Variants in NPTXR observed in about 807,000 individuals in gnomAD.
NPTXR encodes the protein neuronal pentraxin receptor.
A neutral mutation model predicts 32.2 loss-of-function variants in NPTXR; 12 were observed. That is an observed-to-expected ratio of 0.37 (90% CI 0.24 to 0.60). The LOEUF (loss-of-function observed/expected upper bound fraction) is 0.60. Ranked by LOEUF, NPTXR falls within the 20% of genes least tolerant of loss-of-function variation. The probability of loss-of-function intolerance (pLI) is 0.66; values close to 1 mark genes in which losing one functional copy is unlikely to be tolerated. For missense variants in NPTXR, 612 were observed against 682.9 expected (o/e 0.90, Z 1.16); for synonymous variants, 323 against 315.8 (o/e 1.02, Z -0.24).
At chr22:38,838,201 C>G (rs2093126881) in intron 1 of NPTXR, among the ~76,000 whole-genome samples, 1 of 136,024 alleles carries the variant, frequency 7.4e-6, no homozygotes, top group Non-Finnish European at 1.5e-5. Flanking sequence ...TCGGGCGTAT[C>G]TGGCCTGCTA....
chr22:38,836,074 T>C (rs910359054), intron 1 of NPTXR, among the ~76,000 whole-genome samples: 2 of 152,014 alleles, frequency 1.3e-5, no homozygotes, highest in Non-Finnish European at 2.9e-5. Flanking sequence ...ATCAGAGCAA[T>C]ACAAATTAAA....
At chr22:38,824,142 A>AT (rs35302275) in intron 3 of NPTXR, among the ~76,000 whole-genome samples, 1 of 137,490 alleles carries the variant, frequency 7.3e-6, no homozygotes, top group African/African-American at 2.7e-5. Context: ...ATGCCCAGCT[A>AT]TTTTTTTTTT....
At position 38,834,682 on chromosome 22, in the gene NPTXR, G is replaced by C. The variant is rs1376684514; in HGVS notation, c.625-6170C>G. On this transcript the variant is annotated intron_variant, in intron 1 of 4. Transcript: ENST00000333039. This position sits in a 1 kb window ranked among gnomAD's most constrained non-coding sequence, Gnocchi z 4.4. ...GGCGTCGTAGTTGCAGACACGAACT[G>C]TCACGTTAGACAGGCCAGCGTCATT... Among the ~76,000 whole-genome samples, 1 of 152,038 alleles carries C rather than the reference G, an allele frequency of 6.6e-6. No homozygotes were observed. The highest frequency in any genetic ancestry group is 1.9e-4 in the East Asian group (1 of 5,188).
Position 38,822,575 on chromosome 22 carries a change from C to G in NPTXR, c.*34G>C. The G allele has an allele frequency of 6.4e-7, 1 of 1,559,476 alleles. No homozygotes were observed. Among genetic ancestry groups the G allele is most frequent in the African/African-American group, 1.4e-5 (1 of 73,514 alleles). Reference sequence around the variant, plus strand: ...GACCCCCCTCAAGTCCCCAAAGTGGCAGGCAAGGGAGGGGCCCTGGATGAG... The same window carrying G: ...GACCCCCCTCAAGTCCCCAAAGTGGGAGGCAAGGGAGGGGCCCTGGATGAG... On this transcript the variant is annotated 3_prime_UTR_variant, in exon 5 of 5. Transcript: ENST00000333039.
intron 1 of NPTXR, among the ~76,000 whole-genome samples, chr22:38,838,573 ATTTTTTTTTTTTTTT>A (rs139377592): frequency 6.5e-4 from 54 of 83,204 alleles, no homozygotes; most frequent in African/African-American, 2.9e-3. Context: ...TCACCTGGCT[ATTTTTTTTTTTTTTT>A]TTTTTTTTTT....
Position 38,825,117 on chromosome 22 carries a change from C to G in NPTXR, c.1098+1383G>C, listed in dbSNP as rs182514313. On this transcript the variant is annotated intron_variant, in intron 3 of 4. Transcript: ENST00000333039. ...ACAGTGATGAGATGCTCCCCTTCCTCTCCCCTCAATTACCATGCTCCTGCC... is the reference window on the plus strand; with the variant it reads ...ACAGTGATGAGATGCTCCCCTTCCTGTCCCCTCAATTACCATGCTCCTGCC... Among the ~76,000 whole-genome samples the G allele has an allele frequency of 3.5e-4, 53 of 152,320 alleles. No individual in the cohort carries two copies. The East Asian group carries it at 9.5e-3, about 27-fold the overall frequency.
intron 1 of NPTXR, among the ~76,000 whole-genome samples, chr22:38,841,514 G>C (rs1384008979): frequency 6.6e-6 from 1 of 152,278 alleles, no homozygotes; most frequent in Non-Finnish European, 1.5e-5. Flanking sequence ...TGGGCGTGGG[G>C]GCAGGGGCTA....
chr22:38,829,104 C>T (rs990940733), intron 1 of NPTXR, among the ~76,000 whole-genome samples: 3 of 152,170 alleles, frequency 2.0e-5, no homozygotes, highest in African/African-American at 4.8e-5. Flanking sequence ...AAAACCAGCT[C>T]GGTAACCAAT....
At chr22:38,833,811 G>A (rs1349044110) in intron 1 of NPTXR, among the ~76,000 whole-genome samples, 3 of 152,012 alleles carry the variant, frequency 2.0e-5, no homozygotes, top group Admixed American at 6.5e-5. Flanking sequence ...CGAGTAGCTG[G>A]GACTACAGGC....
At position 38,822,231 on chromosome 22, in the gene NPTXR, C is replaced by T. The variant is rs976066104; in HGVS notation, c.*378G>A. On this transcript the variant is annotated 3_prime_UTR_variant, in exon 5 of 5. Transcript: ENST00000333039. Reference sequence around the variant, plus strand: ...GTTGCATGGGGGACAAGGGGGCGGGCGGCCACCCCCACCACTGAGATAGTG... The same window carrying T: ...GTTGCATGGGGGACAAGGGGGCGGGTGGCCACCCCCACCACTGAGATAGTG... The T allele has an allele frequency of 7.5e-5, 19 of 252,512 alleles. No homozygotes were observed. Among genetic ancestry groups the T allele is most frequent in the South Asian group, 1.1e-4 (2 of 17,658 alleles). The allele number at this position is 252,512 out of a possible 1,614,324, so 15.6% of individuals were successfully genotyped here.
chr22:38,829,076 T>C (rs867181121), intron 1 of NPTXR, among the ~76,000 whole-genome samples: 2 of 152,182 alleles, frequency 1.3e-5, no homozygotes, highest in Middle Eastern at 6.8e-3. Flanking sequence ...TACTTTGGAG[T>C]CAGACAGCCC....
chr22:38,838,197 G>T (rs1046963347), intron 1 of NPTXR, among the ~76,000 whole-genome samples: 1 of 135,940 alleles, frequency 7.4e-6, no homozygotes, highest in African/African-American at 3.6e-5. Flanking sequence ...TGTTTCGGGC[G>T]TATCTGGCCT....
At chr22:38,836,454 T>C (rs2103514) in intron 1 of NPTXR, among the ~76,000 whole-genome samples, 91,389 of 152,162 alleles carry the variant, frequency 0.6, 27,779 homozygotes, top group East Asian at 0.85. Context: ...GTACACGCAA[T>C]AAGCCTGGAT....
At chr22:38,842,714 G>A (rs2093133347) in intron 1 of NPTXR, among the ~76,000 whole-genome samples, 1 of 152,138 alleles carries the variant, frequency 6.6e-6, no homozygotes, top group South Asian at 2.1e-4. Context: ...GAGGTGGTGA[G>A]GGGCACCCAG....
chr22:38,839,598 T>C (rs2093129149), intron 1 of NPTXR, among the ~76,000 whole-genome samples: 1 of 152,028 alleles, frequency 6.6e-6, no homozygotes, highest in African/African-American at 2.4e-5. Flanking sequence ...TGAGCCAAGA[T>C]TGCGCCACTG....
rs1469193339 is a variant in NPTXR, at chr22:38,843,210, TC to T, written c.624+24del. On this transcript the variant is annotated intron_variant, in intron 1 of 4. Coordinates refer to ENST00000333039, the MANE Select transcript of NPTXR (RefSeq NM_014293.4). This position sits in a 1 kb window ranked among gnomAD's most constrained non-coding sequence, Gnocchi z 5.3. Reference sequence around the variant, plus strand: ...CGGCCCCTCACACCACCCGGGCGGCTCCCCCGACGGCGCGCGGCGCTCACCT... The same window carrying T: ...CGGCCCCTCACACCACCCGGGCGGCTCCCCGACGGCGCGCGGCGCTCACCT... 5.4e-6 allele frequency: 7 copies of T among 1,298,138 alleles called. No individual in the cohort carries two copies. The highest frequency in any genetic ancestry group is 2.3e-5 in the South Asian group (1 of 43,352). 80.4% of individuals were successfully genotyped at this position (1,298,138 alleles called of 1,614,324 possible).
chr22:38,835,324 C>T (rs1568986497), intron 1 of NPTXR, among the ~76,000 whole-genome samples: 1 of 152,232 alleles, frequency 6.6e-6, no homozygotes. Context: ...AAACCCCATA[C>T]TGCCACCCTG....
At position 38,821,838 on chromosome 22, in the gene NPTXR, T is replaced by C. The variant is rs1196318722; in HGVS notation, c.*771A>G. 6.5e-6 allele frequency: 1 copy of C among 153,090 alleles called. No homozygotes were observed. The highest frequency in any genetic ancestry group is 2.4e-5 in the African/African-American group (1 of 41,448). 9.5% of individuals were successfully genotyped at this position (153,090 alleles called of 1,614,324 possible). ...AGCGGTCCAAGTCCTGTCCTTGGCA[T>C]GGAGGGAGAGCGATGACTATACCAG... On this transcript the variant is annotated 3_prime_UTR_variant, in exon 5 of 5. Coordinates refer to ENST00000333039, the MANE Select transcript of NPTXR (RefSeq NM_014293.4).
chr22:38,835,657 C>T (rs2093122869), intron 1 of NPTXR, among the ~76,000 whole-genome samples: 2 of 152,180 alleles, frequency 1.3e-5, no homozygotes, highest in South Asian at 4.1e-4. Flanking sequence ...CTGCTGAGGT[C>T]CTGCCTGCCC....
Sources: allele counts gnomAD v4.1 joint callset (sites outside exome capture counted in the v4.1 genomes callset), GRCh38; gene constraint gnomAD v4.1.1; non-coding constraint Gnocchi (gnomAD v3.1); transcripts MANE v1.5; gene names NCBI Gene and HGNC (gene_info 2026-07-23, HGNC 2026-07-21).